DOCK9: variants seen among roughly 807,000 people sequenced by gnomAD.
DOCK9 encodes the protein dedicator of cytokinesis 9.
Under a neutral mutation model 263.3 loss-of-function variants are expected in DOCK9, and 89 were observed. That is an observed-to-expected ratio of 0.34 (90% CI 0.28 to 0.40). The LOEUF (loss-of-function observed/expected upper bound fraction) is 0.40. Among genes scored for constraint, DOCK9 ranks in the 10% least tolerant of loss-of-function variants. The pLI, the probability that DOCK9 is intolerant of heterozygous loss-of-function variation, is 1.00. For missense variants in DOCK9, 2,140 were observed against 2,603.4 expected (o/e 0.82, Z 3.87); for synonymous variants, 976 against 973.1 (o/e 1.00, Z -0.06).
rs144365688 is a variant in DOCK9 at position 98,869,155 on chromosome 13, T to C, written c.2944-778A>G. Among the ~76,000 whole-genome samples, 51 of 152,366 alleles carry C rather than the reference T, an allele frequency of 3.3e-4. 1 individual carries two copies. Among genetic ancestry groups the C allele is most frequent in the Admixed American group, 1.4e-3 (22 of 15,306 alleles). On this transcript the variant is annotated intron_variant, in intron 27 of 52. Transcript: ENST00000682017. Reference sequence around the variant, plus strand: ...ATGACCGTGCATGATTAGTTAAAACTGCTTGGCAGCAGTCTTCTCACAATC... The same window carrying C: ...ATGACCGTGCATGATTAGTTAAAACCGCTTGGCAGCAGTCTTCTCACAATC...
chr13:98,797,386 T>C lies in DOCK9; in HGVS notation c.6017+3A>G. 6.2e-7 allele frequency: 1 copy of C among 1,612,824 alleles called. No homozygotes were observed. The highest frequency in any genetic ancestry group is 1.3e-5 in the African/African-American group (1 of 75,054). ...AGAAAAAGATGCTTTCAGTGTGCTT[T>C]ACCTGAAAACTTCCTTAAGCAGCTT... On this transcript the variant is annotated splice_donor_region_variant and intron_variant, in intron 51 of 52. Coordinates refer to ENST00000682017, the MANE Select transcript of DOCK9 (RefSeq NM_001366683.2).
intron 37 of DOCK9, chr13:98,847,379 TTAG>T (rs1243397835): frequency 6.6e-5 from 10 of 152,198 alleles, no homozygotes; most frequent in African/African-American, 2.2e-4. Context: ...ATACTTGCAT[TTAG>T]TACTCCAAAA....
At chr13:98,848,218 C>G (rs2093448706) in intron 37 of DOCK9, among the ~76,000 whole-genome samples, 1 of 152,060 alleles carries the variant, frequency 6.6e-6, no homozygotes, top group Non-Finnish European at 1.5e-5. Context: ...TCAAAATGAC[C>G]TTGGAAAGTC....
chr13:98,863,675 G>C, intron 30 of DOCK9, 127 bp from the exon 31 acceptor site: 1 of 961,932 alleles, frequency 1.0e-6, no homozygotes, highest in African/African-American at 1.7e-5. Context: ...GGTGTCAAGA[G>C]ATGATCAGAC....
At chr13:98,859,743 G>A (rs376984797) in intron 33 of DOCK9, 1 of 102,154 alleles carries the variant, frequency 9.8e-6, no homozygotes, top group Non-Finnish European at 2.2e-5. Context: ...GTGTGTGTGT[G>A]TGTGTGTGTG....
chr13:98,831,381 A>G lies in DOCK9; in HGVS notation c.4602T>C (p.Thr1534=). ...YFLMRNNFDY[T]GKKSFVRTHL... ...GTGTCCGGACAAAGGACTTCTTTCCAGTGTAATCAAAGTTGTTCCTCATCA... is the reference window on the plus strand; with the variant it reads ...GTGTCCGGACAAAGGACTTCTTTCCGGTGTAATCAAAGTTGTTCCTCATCA... The change falls in exon 41 of 53, where the codon ACT becomes ACC. Residue 1534 remains threonine, a synonymous_variant. Coordinates refer to ENST00000682017, the MANE Select transcript of DOCK9 (RefSeq NM_001366683.2). 6.2e-7 allele frequency: 1 copy of G among 1,605,324 alleles called. No individual in the cohort carries two copies. The highest frequency in any genetic ancestry group is 1.1e-5 in the South Asian group (1 of 88,832).
At chr13:98,975,069 G>T (rs1298430876) in intron 1 of DOCK9, among the ~76,000 whole-genome samples, 1 of 152,176 alleles carries the variant, frequency 6.6e-6, no homozygotes, top group Non-Finnish European at 1.5e-5. Context: ...CCTAAAATGA[G>T]ATAATATGCA....
chr13:99,011,707 AG>A (rs1884513571), intron 1 of DOCK9, among the ~76,000 whole-genome samples: 1 of 150,836 alleles, frequency 6.6e-6, no homozygotes, highest in Admixed American at 6.6e-5. Flanking sequence ...ATAGCAGATA[AG>A]GAAACTGAGG....
intron 49 of DOCK9, 104 bp downstream of exon 49, chr13:98,804,895 C>G: frequency 3.3e-6 from 4 of 1,224,110 alleles, no homozygotes; most frequent in Non-Finnish European, 4.6e-6. Flanking sequence ...GGGTGGCTAA[C>G]TGAGCTCGAA....
In DOCK9 at chr13:98,888,213, A is replaced by G. The variant is rs763403107; in HGVS notation, c.1988T>C (p.Ile663Thr). ...ATCTTTGAATTCAATGCAAATCGCA[A>G]TATTTCTAGCCTGCAGCAATAAACA... ...SQKSFAKARN[I>T]AICIEFKDSD... is the part of the protein sequence containing the mutation. The change falls in exon 18 of 53, where the codon ATT (isoleucine) becomes ACT (threonine). Residue 663 changes from isoleucine (I) to threonine (T), a missense_variant. Around this residue, in one of 2 missense-constraint regions of DOCK9, gnomAD observed 1,521 missense variants for 1,741.7 expected, o/e 0.87. Transcript: ENST00000682017. 3 of 1,611,044 alleles carry G rather than the reference A, an allele frequency of 1.9e-6. No homozygotes were observed. Among genetic ancestry groups the G allele is most frequent in the Non-Finnish European group, 2.5e-6 (3 of 1,178,446 alleles).
chr13:99,052,968 T>C (rs1794295140), intron 1 of DOCK9, among the ~76,000 whole-genome samples: 1 of 152,196 alleles, frequency 6.6e-6, no homozygotes, highest in Non-Finnish European at 1.5e-5. Context: ...CTAATGAATT[T>C]CTAATGGTAG....
intron 45 of DOCK9, among the ~76,000 whole-genome samples, chr13:98,822,944 C>T (rs1027772156): frequency 6.6e-6 from 1 of 151,788 alleles, no homozygotes; most frequent in African/African-American, 2.4e-5. Flanking sequence ...GAGCTCAAGA[C>T]CCCTTCGTAG....
Position 98,829,908 on chromosome 13 carries a change from T to A in DOCK9, c.4636-152A>T, listed in dbSNP as rs1387350517. Among the ~76,000 whole-genome samples the A allele has an allele frequency of 6.6e-6, 1 of 152,204 alleles. No individual in the cohort carries two copies. Among genetic ancestry groups the A allele is most frequent in the Non-Finnish European group, 1.5e-5 (1 of 68,040 alleles). On this transcript the variant is annotated intron_variant, in intron 41 of 52. Coordinates refer to ENST00000682017, the MANE Select transcript of DOCK9 (RefSeq NM_001366683.2). This position sits in a 1 kb window ranked among gnomAD's most constrained non-coding sequence, Gnocchi z 4.1. ...GGGTCGCTCCGTGTAGGAAACAATGTCTGAGGTATTTTCTTCCCCTTTAAG... is the reference window on the plus strand; with the variant it reads ...GGGTCGCTCCGTGTAGGAAACAATGACTGAGGTATTTTCTTCCCCTTTAAG...
chr13:99,024,017 C>G (rs1224175760), intron 1 of DOCK9, among the ~76,000 whole-genome samples: 1 of 152,210 alleles, frequency 6.6e-6, no homozygotes, highest in African/African-American at 2.4e-5. Flanking sequence ...GCTCAGGAAC[C>G]TGCCAGAAGT....
At position 99,027,042 on chromosome 13, in the gene DOCK9, C is replaced by T. The variant is rs552483436; in HGVS notation, c.129+59181G>A. On this transcript the variant is annotated intron_variant, in intron 1 of 32. Coordinates refer to the DOCK9 transcript ENST00000427887. ...GTTGTTGTTGTTGTCGTTGTTGAGACGGAGTATCACTCTGTCGCCCAGGCT... is the reference window on the plus strand; with the variant it reads ...GTTGTTGTTGTTGTCGTTGTTGAGATGGAGTATCACTCTGTCGCCCAGGCT... Among the ~76,000 whole-genome samples the T allele has an allele frequency of 2.5e-4, 38 of 152,108 alleles. 1 individual carries two copies. The highest frequency in any genetic ancestry group is 8.4e-4 in the African/African-American group (35 of 41,464).
chr13:99,042,735 T>C (rs1345292332), intron 1 of DOCK9, among the ~76,000 whole-genome samples: 1 of 152,240 alleles, frequency 6.6e-6, no homozygotes, highest in Non-Finnish European at 1.5e-5. Context: ...CAGAAAGATT[T>C]GTCACAGTTA....
intron 13 of DOCK9, among the ~76,000 whole-genome samples, chr13:98,899,285 G>T (rs1398850841): frequency 2.0e-5 from 3 of 152,096 alleles, no homozygotes; most frequent in Non-Finnish European, 4.4e-5. Flanking sequence ...GGATCCAGAA[G>T]GATCTAGATG....
At chr13:98,914,932 T>A (rs1211337263) in intron 8 of DOCK9, among the ~76,000 whole-genome samples, 2 of 152,210 alleles carry the variant, frequency 1.3e-5, no homozygotes, top group Non-Finnish European at 2.9e-5. Flanking sequence ...CTATGCCAGA[T>A]ACTTGAGATT....
At chr13:99,076,043 T>C (rs1325631796) in intron 1 of DOCK9, among the ~76,000 whole-genome samples, 1 of 152,176 alleles carries the variant, frequency 6.6e-6, no homozygotes, top group Non-Finnish European at 1.5e-5. Flanking sequence ...TTCAAAGTTC[T>C]GATCAGACAG....
Sources: gnomAD v4.1 joint callset for allele counts (sites outside exome capture counted in the v4.1 genomes callset) on GRCh38, gnomAD v4.1.1 for gene constraint, gnomAD v4.1.1 regional missense constraint, Gnocchi (gnomAD v3.1) non-coding constraint, MANE v1.5 for transcripts, NCBI Gene and HGNC (gene_info 2026-07-23, HGNC 2026-07-21) for gene names.